The following UTP15 variants were observed in gnomAD, a reference collection of about 807,000 sequenced individuals.
UTP15 encodes the protein U3 small nucleolar RNA-associated protein 15 homolog.
UTP15 carries 5 observed loss-of-function variants against 59.1 expected under a neutral mutation model. That is an observed-to-expected ratio of 0.08 (90% CI 0.04 to 0.18). The LOEUF (loss-of-function observed/expected upper bound fraction) is 0.18, where lower values mean the gene tolerates loss of function less well. Among genes scored for constraint, UTP15 ranks in the 10% least tolerant of loss-of-function variants. The pLI, the probability that UTP15 is intolerant of heterozygous loss-of-function variation, is 1.00. For missense variants in UTP15, 494 were observed against 616.7 expected (o/e 0.80, Z 2.11); for synonymous variants, 211 against 212.2 (o/e 0.99, Z 0.05).
Position 73,569,483 on chromosome 5 carries a change from C to T in UTP15, c.369-14C>T. The T allele has an allele frequency of 1.3e-6, 2 of 1,532,368 alleles. No individual in the cohort carries two copies. The highest frequency in any genetic ancestry group is 1.8e-6 in the Non-Finnish European group (2 of 1,139,800). The allele number at this position is 1,532,368 out of a possible 1,614,324, so 94.9% of individuals were successfully genotyped here. A position where few individuals can be genotyped will look rare whatever the true frequency, so the allele number is the denominator to read the frequency against. On this transcript the variant is annotated splice_polypyrimidine_tract_variant and intron_variant, in intron 4 of 12. Coordinates refer to ENST00000296792, the MANE Select transcript of UTP15 (RefSeq NM_032175.4). ...TTTTCTTGCTTTTTAATATACTGACCTTCAATCTTTCAGAGCAGTTCATAC... is the reference window on the plus strand; with the variant it reads ...TTTTCTTGCTTTTTAATATACTGACTTTCAATCTTTCAGAGCAGTTCATAC...
intron 6 of UTP15, among the ~76,000 whole-genome samples, chr5:73,571,649 G>A (rs1747934982): frequency 6.6e-6 from 1 of 150,618 alleles, no homozygotes; most frequent in African/African-American, 2.4e-5. Context: ...TTAAAAATAA[G>A]TTGAGGCGGG....
chr5:73,569,456 A>T (rs1459335035), intron 4 of UTP15, 41 bp from the exon 5 acceptor site: 1 of 1,409,450 alleles, frequency 7.1e-7, no homozygotes, highest in African/African-American at 1.5e-5. Flanking sequence ...TCAGAAAAAT[A>T]ATTTTCTTGC....
At chr5:73,570,799 G>A in intron 6 of UTP15, 88 bp downstream of exon 6, 1 of 1,548,594 alleles carries the variant, frequency 6.5e-7, no homozygotes, top group Non-Finnish European at 8.8e-7. Context: ...TTATCAGTGT[G>A]CATTTGAATT....
intron 2 of UTP15, 25 bp downstream of exon 2, chr5:73,567,459 GA>G: frequency 6.5e-7 from 1 of 1,538,404 alleles, no homozygotes; most frequent in South Asian, 1.2e-5. Context: ...TAATGAGGGA[GA>G]AGGGATTTGT....
intron 7 of UTP15, among the ~76,000 whole-genome samples, chr5:73,575,472 A>C (rs1402666526): frequency 6.6e-6 from 1 of 152,238 alleles, no homozygotes; most frequent in African/African-American, 2.4e-5. Flanking sequence ...CCCCACAAAA[A>C]AGAATTCTGT....
At chr5:73,569,081 T>C (rs1049537773) in intron 4 of UTP15, among the ~76,000 whole-genome samples, 2 of 152,204 alleles carry the variant, frequency 1.3e-5, no homozygotes, top group Non-Finnish European at 2.9e-5. Flanking sequence ...GTTTTCAGGA[T>C]TGCCAATGTC....
chr5:73,574,072 C>T (rs907200333), intron 7 of UTP15, among the ~76,000 whole-genome samples: 3 of 151,900 alleles, frequency 2.0e-5, no homozygotes, highest in African/African-American at 7.3e-5. Context: ...CCTGTAATCC[C>T]AGTGCTTTGG....
intron 7 of UTP15, among the ~76,000 whole-genome samples, chr5:73,576,412 T>A (rs889335580): frequency 1.3e-5 from 2 of 151,648 alleles, no homozygotes; most frequent in East Asian, 3.9e-4. Context: ...GGCCCTTCTA[T>A]TTTTTTTATA....
At position 73,582,325 on chromosome 5, in the gene UTP15, G is replaced by A. The variant is rs1485756554; in HGVS notation, c.*2231G>A. 1 of 152,168 alleles carries A rather than the reference G, an allele frequency of 6.6e-6. No homozygotes were observed. The highest frequency in any genetic ancestry group is 1.5e-5 in the Non-Finnish European group (1 of 68,036). The allele number at this position is 152,168 out of a possible 1,614,324, so 9.4% of individuals were successfully genotyped here. On this transcript the variant is annotated 3_prime_UTR_variant, in exon 13 of 13. Transcript: ENST00000296792. ...AACAGTTAACACATTTTTCAAACAG[G>A]TTAGGAAGCAATTCCCATAGCCATC... is the stretch of plus-strand genomic sequence containing the variant.
intron 4 of UTP15, 44 bp downstream of exon 4, chr5:73,568,648 G>A (rs757838918): frequency 2.6e-6 from 4 of 1,539,406 alleles, no homozygotes; most frequent in Non-Finnish European, 3.5e-6. Flanking sequence ...TTATTTTGTT[G>A]TAAGCTCTTT....
intron 6 of UTP15, among the ~76,000 whole-genome samples, chr5:73,571,765 A>G (rs1437520192): frequency 6.6e-6 from 1 of 152,132 alleles, no homozygotes; most frequent in Admixed American, 6.6e-5. Context: ...GCAAGACTCT[A>G]AGACTCCATC....
At position 73,579,124 on chromosome 5, in the gene UTP15, C is replaced by G. The variant is rs1748218592; in HGVS notation, c.1254C>G (p.Ile418Met). 1 of 1,613,864 alleles carries G rather than the reference C, an allele frequency of 6.2e-7. No homozygotes were observed. The highest frequency in any genetic ancestry group is 2.2e-5 in the East Asian group (1 of 44,862). Residue 418 changes from isoleucine (I) to methionine (M), a missense_variant, in exon 11 of 13, where the codon ATC becomes ATG. Physicochemically the swap from Ile to Met is conservative, Grantham distance 10 (BLOSUM62 1). Coordinates refer to ENST00000296792, the MANE Select transcript of UTP15 (RefSeq NM_032175.4). ...TTGCAGGTCGGGATGAGAAGGAAAT[C>G]AGTCATGTTCTTAATTTTTTGATAA... ...NALAGRDEKE[I>M]SHVLNFLIRN...
rs1220624 is a variant in UTP15, at chr5:73,575,786, G to A, written c.810-1166G>A. On this transcript the variant is annotated intron_variant, in intron 7 of 12. Transcript: ENST00000296792. ...TGCCCAGGCTGGAGTGCAATGGCGC[G>A]GTCTCGGCTCACCGCACCTTCTGCC... 8.2e-3 allele frequency among the ~76,000 whole-genome samples: 1,244 copies of A among 151,252 alleles called. 8 individuals carry two copies. Among genetic ancestry groups the A allele is most frequent in the Non-Finnish European group, 0.012 (827 of 67,804 alleles).
intron 7 of UTP15, among the ~76,000 whole-genome samples, chr5:73,575,182 A>G (rs1425723572): frequency 2.0e-5 from 3 of 152,222 alleles, no homozygotes; most frequent in African/African-American, 7.2e-5. Context: ...AATATTTTTA[A>G]TACAAAGGAA....
At chr5:73,570,751 T>A in intron 6 of UTP15, 40 bp downstream of exon 6, 1 of 1,604,388 alleles carries the variant, frequency 6.2e-7, no homozygotes, top group Non-Finnish European at 8.5e-7. Flanking sequence ...TTGTTGGTTT[T>A]GAATCACGTT....
intron 7 of UTP15, among the ~76,000 whole-genome samples, chr5:73,573,909 T>C (rs950376793): frequency 2.0e-5 from 3 of 151,956 alleles, no homozygotes; most frequent in Non-Finnish European, 2.9e-5. Context: ...TAGCCTAATA[T>C]CTAATGTAAA....
At position 73,581,160 on chromosome 5, in the gene UTP15, T is replaced by A. The variant is rs1748292052; in HGVS notation, c.*1066T>A. Reference sequence around the variant, plus strand: ...CCTCTGCCCTCCCGGGTTTAAGCAGTTCTCCTGCCTCAGCCTCCTGAGTAG... The same window carrying A: ...CCTCTGCCCTCCCGGGTTTAAGCAGATCTCCTGCCTCAGCCTCCTGAGTAG... On this transcript the variant is annotated 3_prime_UTR_variant, in exon 13 of 13. Transcript: ENST00000296792. 1 of 152,088 alleles carries A rather than the reference T, an allele frequency of 6.6e-6. No homozygotes were observed. The highest frequency in any genetic ancestry group is 2.4e-5 in the African/African-American group (1 of 41,388). 9.4% of individuals were successfully genotyped at this position (152,088 alleles called of 1,614,324 possible). A position where few individuals can be genotyped will look rare whatever the true frequency, so the allele number is the denominator to read the frequency against.
intron 5 of UTP15, 69 bp downstream of exon 5, chr5:73,569,744 C>T: frequency 7.4e-7 from 1 of 1,359,262 alleles, no homozygotes; most frequent in South Asian, 1.8e-5. Context: ...TGCTATGGGA[C>T]TCTTTTGGGA....
In UTP15 at chr5:73,577,800, A is replaced by G. The variant is rs1286052241; in HGVS notation, c.895-56A>G. 3.7e-5 allele frequency: 54 copies of G among 1,448,608 alleles called. No individual in the cohort carries two copies. In the Middle Eastern group the frequency reaches 1.3e-3, roughly 34 times the overall value. 89.7% of individuals were successfully genotyped at this position (1,448,608 alleles called of 1,614,324 possible). ...CATGGTAAATGTGTTTTGAAGTAAA[A>G]GTACTATAAATTACGAGTTAAGAAT... is the stretch of plus-strand genomic sequence containing the variant. On this transcript the variant is annotated intron_variant, in intron 8 of 12. Transcript: ENST00000296792.
Sources: gnomAD v4.1 joint callset for allele counts (sites outside exome capture counted in the v4.1 genomes callset) on GRCh38, gnomAD v4.1.1 for gene constraint, MANE v1.5 for transcripts, NCBI Gene and HGNC (gene_info 2026-07-23, HGNC 2026-07-21) for gene names.